Variants in ARHGEF11 observed in about 807,000 individuals in gnomAD.
The protein encoded by ARHGEF11 is Rho guanine nucleotide exchange factor 11.
A neutral mutation model predicts 193.7 loss-of-function variants in ARHGEF11; 55 were observed. The observed-to-expected ratio is 0.28, with a 90% CI of 0.23 to 0.36. ARHGEF11 has a LOEUF of 0.36. Ranked by LOEUF, ARHGEF11 falls within the 10% of genes least tolerant of loss-of-function variation. The pLI is 1.00. For synonymous variants in ARHGEF11, 693 were observed against 768.0 expected, an observed-to-expected ratio of 0.90 and a Z score of 1.62; for missense variants, 1,723 against 2,005.6, an observed-to-expected ratio of 0.86 and a Z score of 2.69.
Position 157,016,643 on chromosome 1 carries a change from T to C in ARHGEF11, c.32+27656A>G, listed in dbSNP as rs539131599. ...AGCGTTTTCATCTTTTAGAGATACATACTGAAAAATTTACAGATAAAATGT... is the reference window on the plus strand; with the variant it reads ...AGCGTTTTCATCTTTTAGAGATACACACTGAAAAATTTACAGATAAAATGT... On this transcript the variant is annotated intron_variant, in intron 1 of 40. Transcript: ENST00000368194. Among the ~76,000 whole-genome samples the C allele has an allele frequency of 2.0e-5, 3 of 152,340 alleles. No homozygotes were observed. In the South Asian group the frequency reaches 6.2e-4, roughly 32 times the overall value.
At chr1:156,987,282 C>CTG (rs751949863) in intron 1 of ARHGEF11, among the ~76,000 whole-genome samples, 7 of 152,304 alleles carry the variant, frequency 4.6e-5, no homozygotes, top group Non-Finnish European at 1.0e-4. Flanking sequence ...CAATGAGTGA[C>CTG]TGGTTAAATA....
Position 156,935,299 on chromosome 1 carries a change from T to G in ARHGEF11, c.*701A>C, listed in dbSNP as rs1412989272. ...TGGCAGCAAGCTGTGGAGGGCAGGC[T>G]CTGGAGCCAGGTGGGATGGGGAGCC... On this transcript the variant is annotated 3_prime_UTR_variant, in exon 41 of 41. Transcript: ENST00000368194. The G allele has an allele frequency of 1.3e-5, 2 of 152,126 alleles. No homozygotes were observed. The highest frequency in any genetic ancestry group is 2.9e-5 in the Non-Finnish European group (2 of 68,030). The allele number at this position is 152,126 out of a possible 1,614,324, so 9.4% of individuals were successfully genotyped here. A position where few individuals can be genotyped will look rare whatever the true frequency, so the allele number is the denominator to read the frequency against.
Position 156,948,398 on chromosome 1 carries a change from C to T in ARHGEF11, c.2026G>A (p.Asp676Asn). 1 of 1,614,246 alleles carries T rather than the reference C, an allele frequency of 6.2e-7. No homozygotes were observed. The highest frequency in any genetic ancestry group is 8.5e-7 in the Non-Finnish European group (1 of 1,180,056). ...KAENVPRSRSDVDMDAAAEAT... is the reference protein window; with the variant it reads ...KAENVPRSRSNVDMDAAAEAT... The stretch of plus-strand genomic sequence containing the variant: ...TCCGCAGCAGCATCCATGTCAACAT[C>T]ACTGCGAGAGCGGGGCACGTTCTCT... The change falls in exon 23 of 41, where the codon GAT becomes AAT. Residue 676 changes from aspartate (D) to asparagine (N), a missense_variant. Transcript: ENST00000368194. This position sits in a 1 kb window ranked among gnomAD's most constrained non-coding sequence, Gnocchi z 4.2.
chr1:156,944,206 G>T, intron 31 of ARHGEF11, 104 bp from the exon 32 acceptor site: 1 of 1,461,022 alleles, frequency 6.8e-7, no homozygotes, highest in Non-Finnish European at 9.4e-7. Flanking sequence ...AGTCCTGGGA[G>T]TCTGGTGACC....
intron 40 of ARHGEF11, among the ~76,000 whole-genome samples, chr1:156,936,480 G>GAAAAA (rs35863393): frequency 1.0e-4 from 5 of 48,014 alleles, no homozygotes; most frequent in Middle Eastern, 0.017. Flanking sequence ...CAAATAAATA[G>GAAAAA]AAAAAAAAAA....
At chr1:156,958,039 T>C (rs1660224679) in intron 17 of ARHGEF11, among the ~76,000 whole-genome samples, 2 of 152,244 alleles carry the variant, frequency 1.3e-5, no homozygotes, top group Non-Finnish European at 1.5e-5. Flanking sequence ...AGGTTTCATC[T>C]TCTTTGCTAT....
chr1:157,023,765 C>CAAAAA (rs34617659), intron 1 of ARHGEF11, among the ~76,000 whole-genome samples: 3 of 124,552 alleles, frequency 2.4e-5, no homozygotes, highest in East Asian at 5.6e-4. Flanking sequence ...GACTCCATCT[C>CAAAAA]AAAAAAAAAA....
chr1:157,034,368 C>G (rs1370189796), intron 1 of ARHGEF11, among the ~76,000 whole-genome samples: 1 of 152,224 alleles, frequency 6.6e-6, no homozygotes, highest in South Asian at 2.1e-4. Flanking sequence ...CCATCAGACT[C>G]CTGCAGGGAA....
chr1:156,980,468 G>T lies in ARHGEF11; in HGVS notation c.242C>A (p.Ala81Asp). 1 of 1,601,212 alleles carries T rather than the reference G, an allele frequency of 6.2e-7. No individual in the cohort carries two copies. Among genetic ancestry groups the T allele is most frequent in the East Asian group, 2.2e-5 (1 of 44,632 alleles). The part of the protein sequence containing the change: ...SVRPGGAAMK[A>D]GVKEGDRIIK... ...GATCCGGTCGCCCTCTTTCACACCG[G>T]CCTTCATGGCTGCACCTCCTGTAAG... The change falls in exon 4 of 41, where the codon GCC becomes GAC. Residue 81 changes from alanine (A) to aspartate (D), a missense_variant. Physicochemically the swap from Ala to Asp is moderately radical, Grantham distance 126 (BLOSUM62 -2). Transcript: ENST00000368194.
In ARHGEF11 at chr1:156,969,296, G is replaced by A. The variant is rs1571297261; in HGVS notation, c.811C>T (p.Pro271Ser). 2 of 1,604,264 alleles carry A rather than the reference G, an allele frequency of 1.2e-6. No homozygotes were observed. The highest frequency in any genetic ancestry group is 1.7e-6 in the Non-Finnish European group (2 of 1,175,388). ...SGLDSGTERF[P>S]SLSESLMNRN... is the part of the protein sequence containing the mutation. ...CTGGGACTCACCTCACTGAGGGAAGGAAAGCGTTCTGTCCCAGAGTCCAAG... is the reference window on the plus strand; with the variant it reads ...CTGGGACTCACCTCACTGAGGGAAGAAAAGCGTTCTGTCCCAGAGTCCAAG... Residue 271 changes from proline to serine, a missense_variant, in exon 10 of 41, where the codon CCT (proline) becomes TCT (serine). By Grantham distance (74) the Pro-to-Ser change is moderately conservative. Coordinates refer to ENST00000368194, the MANE Select transcript of ARHGEF11 (RefSeq NM_198236.3).
At chr1:156,937,673 C>T (rs747747636) in intron 38 of ARHGEF11, among the ~76,000 whole-genome samples, 177 bp from the exon 39 acceptor site, 4 of 152,186 alleles carry the variant, frequency 2.6e-5, no homozygotes, top group Admixed American at 1.3e-4. Context: ...GCCCTGCTCC[C>T]GAGACCTTCT....
intron 11 of ARHGEF11, among the ~76,000 whole-genome samples, chr1:156,964,017 C>G (rs888458996): frequency 3.9e-5 from 6 of 152,196 alleles, no homozygotes; most frequent in South Asian, 2.1e-4. Context: ...TAGTGTCTAC[C>G]ACAGTGCTAC....
chr1:157,038,029 CAAAAAAAAAAAAAAAA>C (rs145416871), intron 1 of ARHGEF11, among the ~76,000 whole-genome samples: 1 of 45,502 alleles, frequency 2.2e-5, no homozygotes, highest in Non-Finnish European at 3.7e-5. Flanking sequence ...AAGACTGTCT[CAAAAAAAAAAAAAAAA>C]AAAAAAAAAA....
intron 22 of ARHGEF11, among the ~76,000 whole-genome samples, chr1:156,950,200 T>G (rs141041457): frequency 8.9e-4 from 135 of 152,348 alleles, no homozygotes; most frequent in African/African-American, 3.2e-3. Context: ...ATCTAACCTT[T>G]GTCTCCTGTA....
intron 37 of ARHGEF11, 107 bp from the exon 38 acceptor site, chr1:156,938,620 G>A (rs1656049695): frequency 1.0e-6 from 1 of 971,992 alleles, no homozygotes; most frequent in Non-Finnish European, 1.6e-6. Flanking sequence ...ACAGGGGGAG[G>A]AGAAAATGGG....
At chr1:157,018,012 CTA>C in intron 1 of ARHGEF11, among the ~76,000 whole-genome samples, 1 of 151,840 alleles carries the variant, frequency 6.6e-6, no homozygotes, top group Non-Finnish European at 1.5e-5. Flanking sequence ...GATATGAAAT[CTA>C]TATATAAAAA....
intron 1 of ARHGEF11, among the ~76,000 whole-genome samples, chr1:157,027,411 G>T (rs1670780888): frequency 6.6e-6 from 1 of 152,120 alleles, no homozygotes; most frequent in Non-Finnish European, 1.5e-5. Context: ...CTGTCTGGTT[G>T]TGGGTACTGT....
intron 22 of ARHGEF11, among the ~76,000 whole-genome samples, 172 bp downstream of exon 22, chr1:156,951,401 C>G (rs1051157855): frequency 6.6e-6 from 1 of 151,976 alleles, no homozygotes; most frequent in Non-Finnish European, 1.5e-5. Context: ...CTGGCCTGTT[C>G]ACTGGCACAC....
chr1:156,963,423 T>C, intron 12 of ARHGEF11, 97 bp downstream of exon 12: 2 of 1,510,978 alleles, frequency 1.3e-6, no homozygotes, highest in Admixed American at 1.7e-5. Context: ...CCGCCTCAAG[T>C]TCCCTTCACA....
Sources: gnomAD v4.1 joint callset for allele counts (sites outside exome capture counted in the v4.1 genomes callset) on GRCh38, gnomAD v4.1.1 for gene constraint, Gnocchi (gnomAD v3.1) non-coding constraint, MANE v1.5 for transcripts, NCBI Gene and HGNC (gene_info 2026-07-23, HGNC 2026-07-21) for gene names.